The following ROR2 variants were observed in gnomAD, a reference collection of about 807,000 sequenced individuals.
ROR2 encodes the protein tyrosine-protein kinase transmembrane receptor ROR2.
ROR2 carries 33 observed loss-of-function variants against 74.9 expected under a neutral mutation model. The ratio of observed to expected loss-of-function variants is 0.44; its 90% CI spans 0.33 to 0.59. The LOEUF is 0.59. ROR2 is among the 20% of genes least tolerant of loss of function. The pLI, the probability that ROR2 is intolerant of heterozygous loss-of-function variation, is 0.02. For missense variants in ROR2, 1,216 were observed against 1,313.8 expected, an observed-to-expected ratio of 0.93 and a Z score of 1.15; for synonymous variants, 586 against 558.7, an observed-to-expected ratio of 1.05 and a Z score of -0.69.
rs1198211798 is a variant in ROR2 at position 91,724,082 on chromosome 9, C to A, written c.2412G>T (p.Met804Ile). ...PPFPQPQFIPMKGQIRPMVPP... is the reference protein window; with the variant it reads ...PPFPQPQFIPIKGQIRPMVPP... Reference sequence around the variant, plus strand: ...GCACCATGGGTCTGATCTGGCCCTTCATGGGGATGAACTGGGGCTGTGGGA... The same window carrying A: ...GCACCATGGGTCTGATCTGGCCCTTAATGGGGATGAACTGGGGCTGTGGGA... The change falls in exon 9 of 9, where the codon ATG (methionine) becomes ATT (isoleucine). Residue 804 changes from methionine (M) to isoleucine (I), a missense_variant. Met to Ile is a conservative substitution (Grantham distance 10). Coordinates refer to ENST00000375708, the MANE Select transcript of ROR2 (RefSeq NM_004560.4). 1 of 1,611,176 alleles carries A rather than the reference C, an allele frequency of 6.2e-7. No homozygotes were observed. Among genetic ancestry groups the A allele is most frequent in the Admixed American group, 1.7e-5 (1 of 60,020 alleles).
At chr9:91,790,219 A>G (rs2178196) in intron 1 of ROR2, among the ~76,000 whole-genome samples, 13,151 of 152,154 alleles carry the variant, frequency 0.086, 874 homozygotes, top group East Asian at 0.3. Context: ...AGTACAGCAC[A>G]GGCCGGGCAC....
intron 1 of ROR2, among the ~76,000 whole-genome samples, chr9:91,946,593 G>C (rs1291903851): frequency 6.6e-6 from 1 of 152,252 alleles, no homozygotes. Context: ...AGGAGTAACA[G>C]TTTGTAGCGT....
chr9:91,875,776 C>G (rs938945521), intron 1 of ROR2, among the ~76,000 whole-genome samples: 3 of 152,130 alleles, frequency 2.0e-5, no homozygotes, highest in Admixed American at 6.5e-5. Context: ...GCCAGGGAAG[C>G]TAGCACACGG....
chr9:91,799,523 C>T lies in ROR2; in HGVS notation c.98-23705G>A, dbSNP rs73651528. ...TCAACTCTGTGCTGCACCCTCTCCC[C>T]ATGTGCACTCAGAAACGGAGCCCTT... On this transcript the variant is annotated intron_variant, in intron 1 of 8. Transcript: ENST00000375708. 2.0e-3 allele frequency among the ~76,000 whole-genome samples: 306 copies of T among 152,326 alleles called. 1 individual carries two copies. Among genetic ancestry groups the T allele is most frequent in the African/African-American group, 7.0e-3 (293 of 41,576 alleles).
At chr9:91,879,858 T>C in intron 1 of ROR2, among the ~76,000 whole-genome samples, 1 of 152,166 alleles carries the variant, frequency 6.6e-6, no homozygotes, top group East Asian at 1.9e-4. Context: ...GTGTCCATCT[T>C]TGCTTAAAAT....
At chr9:91,758,165 G>A (rs1168290270) in intron 2 of ROR2, among the ~76,000 whole-genome samples, 1 of 152,218 alleles carries the variant, frequency 6.6e-6, no homozygotes, top group Admixed American at 6.5e-5. Flanking sequence ...TTTAGCCCCA[G>A]CTGGGACACA....
chr9:91,869,348 C>T (rs10992144), intron 1 of ROR2, among the ~76,000 whole-genome samples: 61,817 of 152,076 alleles, frequency 0.41, 13,504 homozygotes, highest in African/African-American at 0.54. Context: ...TGAGCCACCA[C>T]GGCTAGTTGT....
At chr9:91,756,810 G>A (rs1331517685) in intron 3 of ROR2, among the ~76,000 whole-genome samples, 1 of 146,786 alleles carries the variant, frequency 6.8e-6, no homozygotes, top group African/African-American at 2.5e-5. Context: ...GAATGCAATG[G>A]CGTGATCTCG....
intron 1 of ROR2, among the ~76,000 whole-genome samples, chr9:91,858,147 C>T (rs1352614801): frequency 6.6e-6 from 1 of 152,174 alleles, no homozygotes; most frequent in Non-Finnish European, 1.5e-5. Context: ...CAGGCTGTGC[C>T]CAAAGACAGG....
chr9:91,744,196 C>T (rs1177097811), intron 4 of ROR2, among the ~76,000 whole-genome samples: 1 of 147,366 alleles, frequency 6.8e-6, no homozygotes, highest in Admixed American at 6.8e-5. Flanking sequence ...AGTTGACCCT[C>T]CACAGAAATT....
At chr9:91,731,183 C>T in intron 6 of ROR2, 28 bp from the exon 7 acceptor site, 1 of 1,613,652 alleles carries the variant, frequency 6.2e-7, no homozygotes, top group Non-Finnish European at 8.5e-7. Flanking sequence ...GTTAGGAAAA[C>T]CTCCGGGGTA....
rs551028169 is a variant in ROR2 at position 91,815,628 on chromosome 9, C to T, written c.98-39810G>A. Among the ~76,000 whole-genome samples, 15 of 152,292 alleles carry T rather than the reference C, an allele frequency of 9.8e-5. No individual in the cohort carries two copies. The East Asian group carries it at 2.5e-3, about 25-fold the overall frequency. On this transcript the variant is annotated intron_variant, in intron 1 of 8. Transcript: ENST00000375708. ...AACTCAGAAATTACCTGCTGGCTAT[C>T]GAGAGGTATTCTTGACGAACAGTGT...
At chr9:91,893,142 C>T (rs1830463522) in intron 1 of ROR2, among the ~76,000 whole-genome samples, 1 of 152,172 alleles carries the variant, frequency 6.6e-6, no homozygotes, top group African/African-American at 2.4e-5. Flanking sequence ...CTGGAAGATA[C>T]AGGACACCTC....
At position 91,933,173 on chromosome 9, in the gene ROR2, G is replaced by A. The variant is rs143166316; in HGVS notation, c.97+16694C>T. The stretch of plus-strand genomic sequence containing the variant: ...CAAAAATACAAAAAAAAAATTAGCC[G>A]GGCATGGTGGCACGCGCCTGTGGTC... On this transcript the variant is annotated intron_variant, in intron 1 of 8. Coordinates refer to ENST00000375708, the MANE Select transcript of ROR2 (RefSeq NM_004560.4). Among the ~76,000 whole-genome samples, 389 of 152,078 alleles carry A rather than the reference G, an allele frequency of 2.6e-3. 1 individual carries two copies. The highest frequency in any genetic ancestry group is 8.8e-3 in the African/African-American group (367 of 41,482).
In ROR2 at chr9:91,906,965, A is replaced by G. The variant is rs1830834825; in HGVS notation, c.97+42902T>C. ...CGGTTTGGTGGCGGTGGGAACATTC[A>G]CTGTGTTGTGCAGGATCACCACTCT... On this transcript the variant is annotated intron_variant, in intron 1 of 8. Coordinates refer to ENST00000375708, the MANE Select transcript of ROR2 (RefSeq NM_004560.4). Among the ~76,000 whole-genome samples the G allele has an allele frequency of 4.6e-5, 7 of 152,230 alleles. No homozygotes were observed. The South Asian group carries it at 1.5e-3, about 32-fold the overall frequency.
chr9:91,865,323 G>A (rs1038239331), intron 1 of ROR2, among the ~76,000 whole-genome samples: 2 of 152,310 alleles, frequency 1.3e-5, no homozygotes, highest in South Asian at 4.1e-4. Flanking sequence ...TAAGAAAACA[G>A]TCTCCAGATT....
intron 1 of ROR2, among the ~76,000 whole-genome samples, chr9:91,847,435 G>A (rs923150429): frequency 6.6e-6 from 1 of 152,134 alleles, no homozygotes; most frequent in South Asian, 2.1e-4. Context: ...CCAAAACATG[G>A]GAAGCAGGCT....
intron 1 of ROR2, among the ~76,000 whole-genome samples, chr9:91,879,281 G>A (rs1830039496): frequency 6.6e-6 from 1 of 152,178 alleles, no homozygotes; most frequent in Non-Finnish European, 1.5e-5. Flanking sequence ...GTAGGGCCTT[G>A]GAGGTTCAGG....
At chr9:91,918,750 T>C (rs1007913352) in intron 1 of ROR2, among the ~76,000 whole-genome samples, 2 of 152,220 alleles carry the variant, frequency 1.3e-5, no homozygotes, top group African/African-American at 4.8e-5. Flanking sequence ...TTAAGAATTC[T>C]GTTGTTAAAA....
Sources: allele counts gnomAD v4.1 joint callset (sites outside exome capture counted in the v4.1 genomes callset), GRCh38; gene constraint gnomAD v4.1.1; transcripts MANE v1.5; gene names NCBI Gene and HGNC (gene_info 2026-07-23, HGNC 2026-07-21).